Variants in PPP2R2C observed in about 807,000 individuals in gnomAD.
The protein encoded by PPP2R2C is protein phosphatase 2 regulatory subunit Bgamma.
In PPP2R2C, 10 loss-of-function variants were observed where a neutral mutation model predicts 45.3. That is an observed-to-expected ratio of 0.22 (90% CI 0.14 to 0.37). PPP2R2C has a LOEUF of 0.37. Ranked by LOEUF, PPP2R2C falls within the 10% of genes least tolerant of loss-of-function variation. PPP2R2C has a pLI of 1.00. For missense variants in PPP2R2C, 308 were observed against 619.7 expected (o/e 0.50, Z 5.34); for synonymous variants, 257 against 245.4 (o/e 1.05, Z -0.44).
At chr4:6,389,587 G>A (rs1483848722) in intron 1 of PPP2R2C, among the ~76,000 whole-genome samples, 2 of 152,114 alleles carry the variant, frequency 1.3e-5, no homozygotes, top group African/African-American at 2.4e-5. Context: ...ACCCAGCAGC[G>A]GGCTGACACT....
chr4:6,470,191 A>G (rs934661789), intron 1 of PPP2R2C, among the ~76,000 whole-genome samples: 6 of 152,230 alleles, frequency 3.9e-5, no homozygotes, highest in African/African-American at 1.4e-4. Flanking sequence ...CCTCAAGGTC[A>G]TATAGCTCCC....
Position 6,325,183 on chromosome 4 carries a change from A to G in PPP2R2C, c.1053-1590T>C, listed in dbSNP as rs117290015. The stretch of plus-strand genomic sequence containing the variant: ...GACATGCGCACTCTCTTAGTTTTCT[A>G]TAAGAACTGGGATCAACAAGGGAAC... On this transcript the variant is annotated intron_variant, in intron 8 of 8. Coordinates refer to ENST00000382599, the MANE Select transcript of PPP2R2C (RefSeq NM_020416.4). 7.4e-4 allele frequency among the ~76,000 whole-genome samples: 112 copies of G among 152,254 alleles called. No homozygotes were observed. In the East Asian group the frequency reaches 0.014, roughly 19 times the overall value.
At chr4:6,500,681 C>T (rs558336860) in intron 2 of PPP2R2C, among the ~76,000 whole-genome samples, 1 of 152,336 alleles carries the variant, frequency 6.6e-6, no homozygotes, top group Admixed American at 6.5e-5. Flanking sequence ...TCATTTGAGC[C>T]AAGTCCTGGG....
intron 6 of PPP2R2C, among the ~76,000 whole-genome samples, chr4:6,339,545 C>T (rs763724535): frequency 2.0e-5 from 3 of 152,284 alleles, no homozygotes; most frequent in Non-Finnish European, 2.9e-5. Context: ...TGCCCCACCC[C>T]CATCGTTGTC....
intron 1 of PPP2R2C, among the ~76,000 whole-genome samples, chr4:6,408,216 C>G (rs2109362078): frequency 6.6e-6 from 1 of 152,210 alleles, no homozygotes; most frequent in Admixed American, 6.5e-5. Flanking sequence ...ATTAAAGTGC[C>G]AACAAAATGG....
At chr4:6,483,226 C>A (rs1283894484) in intron 2 of PPP2R2C, among the ~76,000 whole-genome samples, 1 of 152,048 alleles carries the variant, frequency 6.6e-6, no homozygotes, top group Non-Finnish European at 1.5e-5. Context: ...GTTTAGAAGT[C>A]ATATTGATTA....
intron 1 of PPP2R2C, among the ~76,000 whole-genome samples, chr4:6,538,266 A>G (rs932039915): frequency 6.6e-6 from 1 of 152,134 alleles, no homozygotes; most frequent in Non-Finnish European, 1.5e-5. Flanking sequence ...AGATTTGGGA[A>G]TCAAACCCAG....
At position 6,323,031 on chromosome 4, in the gene PPP2R2C, CCA is replaced by C. The variant is rs1205215697; in HGVS notation, c.*269_*270del. On this transcript the variant is annotated 3_prime_UTR_variant, in exon 9 of 9. Coordinates refer to ENST00000382599, the MANE Select transcript of PPP2R2C (RefSeq NM_020416.4). ...TGAAAGAACCCTGAACTGTAAGACT[CCA>C]CAGTCATGTCCATTTTATGATTTGT... 1.6e-5 allele frequency: 6 copies of C among 375,604 alleles called. No homozygotes were observed. The highest frequency in any genetic ancestry group is 2.9e-5 in the Non-Finnish European group (6 of 210,010). 23.3% of individuals were successfully genotyped at this position (375,604 alleles called of 1,614,324 possible).
chr4:6,525,412 G>GTAAATAAA (rs57107907), intron 2 of PPP2R2C, among the ~76,000 whole-genome samples: 115 of 149,398 alleles, frequency 7.7e-4, no homozygotes, highest in South Asian at 1.7e-3. Flanking sequence ...CTCAAAATAA[G>GTAAATAAA]TAAATAAATA....
At chr4:6,545,029 C>A (rs948819275) in intron 1 of PPP2R2C, among the ~76,000 whole-genome samples, 1 of 152,254 alleles carries the variant, frequency 6.6e-6, no homozygotes, top group Non-Finnish European at 1.5e-5. Context: ...ACGACTTTTT[C>A]CAGTGCCTGC....
chr4:6,444,151 AG>A (rs1720301359), intron 1 of PPP2R2C, among the ~76,000 whole-genome samples: 1 of 152,078 alleles, frequency 6.6e-6, no homozygotes, highest in South Asian at 2.1e-4. Context: ...AGAATCGACA[AG>A]GATTGATGGG....
chr4:6,456,571 C>A (rs917431703), intron 1 of PPP2R2C, among the ~76,000 whole-genome samples: 3 of 152,176 alleles, frequency 2.0e-5, no homozygotes, highest in South Asian at 2.1e-4. Flanking sequence ...GTAGGAACCA[C>A]ATCATTCAGC....
intron 1 of PPP2R2C, among the ~76,000 whole-genome samples, chr4:6,536,564 C>G (rs1724620869): frequency 6.6e-6 from 1 of 152,172 alleles, no homozygotes; most frequent in Non-Finnish European, 1.5e-5. Context: ...ATGGCAGTGA[C>G]CAAAAAAAGG....
upstream of PPP2R2C, among the ~76,000 whole-genome samples, chr4:6,477,583 G>T (rs547548676): frequency 6.6e-6 from 1 of 151,850 alleles, no homozygotes; most frequent in Admixed American, 6.6e-5. Flanking sequence ...AAAATTAGCC[G>T]GGCATGGTGG....
intron 2 of PPP2R2C, among the ~76,000 whole-genome samples, chr4:6,497,212 C>G (rs1722908469): frequency 6.6e-6 from 1 of 152,092 alleles, no homozygotes; most frequent in South Asian, 2.1e-4. Context: ...GGAAGAGTGG[C>G]CAGCTACTTA....
intron 2 of PPP2R2C, among the ~76,000 whole-genome samples, chr4:6,512,678 T>C (rs529629936): frequency 0.015 from 2,171 of 149,102 alleles, 53 homozygotes; most frequent in African/African-American, 0.051. Flanking sequence ...GTGGTGGTGG[T>C]GATACTGGTG....
At chr4:6,557,421 C>T (rs752058517) in intron 1 of PPP2R2C, among the ~76,000 whole-genome samples, 7 of 152,012 alleles carry the variant, frequency 4.6e-5, no homozygotes, top group African/African-American at 7.3e-5. Context: ...AAGATGATGA[C>T]GTTGGACCCG....
chr4:6,339,010 T>C (rs1331490589), intron 6 of PPP2R2C, among the ~76,000 whole-genome samples: 1 of 152,236 alleles, frequency 6.6e-6, no homozygotes, highest in Non-Finnish European at 1.5e-5. Flanking sequence ...ACGGAGGGAT[T>C]CCTGGAGTTA....
At chr4:6,432,228 C>T (rs1719664406) in intron 1 of PPP2R2C, among the ~76,000 whole-genome samples, 2 of 152,200 alleles carry the variant, frequency 1.3e-5, no homozygotes, top group African/African-American at 4.8e-5. Flanking sequence ...TACCTGTCCC[C>T]ACCCTCCCTT....
Sources: allele counts gnomAD v4.1 joint callset (sites outside exome capture counted in the v4.1 genomes callset), GRCh38; gene constraint gnomAD v4.1.1; transcripts MANE v1.5; gene names NCBI Gene and HGNC (gene_info 2026-07-23, HGNC 2026-07-21).